DLGAP2: variants seen among roughly 807,000 people sequenced by gnomAD.
DLGAP2 encodes the protein DLG associated protein 2.
A neutral mutation model predicts 100.3 loss-of-function variants in DLGAP2; 26 were observed. The ratio of observed to expected loss-of-function variants is 0.26; its 90% confidence interval spans 0.19 to 0.36. DLGAP2 has a LOEUF of 0.36. Ranked by LOEUF, DLGAP2 falls within the 10% of genes least tolerant of loss-of-function variation. The probability of loss-of-function intolerance (pLI) is 1.00; values close to 1 mark genes in which losing one functional copy is unlikely to be tolerated. For synonymous variants in DLGAP2, 886 were observed against 630.1 expected, an observed-to-expected ratio of 1.41 and a Z score of -6.08; for missense variants, 1,858 against 1,453.2, an observed-to-expected ratio of 1.28 and a Z score of -4.53.
chr8:901,190 T>C (rs1798244094), intron 1 of DLGAP2, among the ~76,000 whole-genome samples: 1 of 152,168 alleles, frequency 6.6e-6, no homozygotes, highest in African/African-American at 2.4e-5. Flanking sequence ...AGGAGGCTGA[T>C]GTAGGAGGAT....
At chr8:1,264,997 A>G (rs1032816954) in intron 3 of DLGAP2, among the ~76,000 whole-genome samples, 4 of 152,108 alleles carry the variant, frequency 2.6e-5, no homozygotes, top group African/African-American at 7.2e-5. Context: ...TTTGCCTTCC[A>G]CCATGATTGT....
chr8:986,724 A>G (rs1054512201), intron 2 of DLGAP2, among the ~76,000 whole-genome samples: 5 of 151,072 alleles, frequency 3.3e-5, no homozygotes, highest in Admixed American at 6.6e-5. Flanking sequence ...CAATGATGCA[A>G]TCTTGGCTCA....
intron 3 of DLGAP2, among the ~76,000 whole-genome samples, chr8:1,451,192 T>G (rs1798149563): frequency 6.6e-6 from 1 of 152,034 alleles, no homozygotes; most frequent in African/African-American, 2.4e-5. Flanking sequence ...CAGGCCATAT[T>G]TGGAGCCTGG....
At chr8:880,824 G>A (rs1011464583) in intron 1 of DLGAP2, among the ~76,000 whole-genome samples, 2 of 152,206 alleles carry the variant, frequency 1.3e-5, no homozygotes, top group African/African-American at 4.8e-5. Flanking sequence ...TGGACTCAAC[G>A]CAGATGTAAT....
intron 4 of DLGAP2, among the ~76,000 whole-genome samples, chr8:1,506,840 C>G (rs1799937530): frequency 6.6e-6 from 1 of 152,174 alleles, no homozygotes; most frequent in African/African-American, 2.4e-5. Context: ...CAAGTCCCCA[C>G]TAGATGAGCT....
intron 12 of DLGAP2, 104 bp from the exon 13 acceptor site, chr8:1,691,431 C>T: frequency 1.0e-6 from 1 of 961,732 alleles, no homozygotes; most frequent in Non-Finnish European, 1.6e-6. Context: ...CGTCAGTTTT[C>T]ATCTCCAGTG....
At chr8:1,557,354 T>C (rs1326919262) in intron 5 of DLGAP2, among the ~76,000 whole-genome samples, 1 of 152,036 alleles carries the variant, frequency 6.6e-6, no homozygotes, top group African/African-American at 2.4e-5. Context: ...TCCCTCAGGG[T>C]CCCGGAAAGA....
intron 3 of DLGAP2, among the ~76,000 whole-genome samples, chr8:1,416,529 A>G (rs1796888829): frequency 5.9e-5 from 9 of 152,184 alleles, no homozygotes; most frequent in Admixed American, 3.9e-4. Flanking sequence ...GCCCCGCTGA[A>G]TGAACCACCC....
At chr8:1,015,310 GTA>G (rs1457666147) in intron 2 of DLGAP2, among the ~76,000 whole-genome samples, 1 of 3,558 alleles carries the variant, frequency 2.8e-4, no homozygotes, top group East Asian at 1.1e-3. Context: ...TCCACTGTGT[GTA>G]TGACCAGGAC....
chr8:1,010,153 A>G (rs187734888), intron 2 of DLGAP2, among the ~76,000 whole-genome samples: 1 of 152,366 alleles, frequency 6.6e-6, no homozygotes, highest in East Asian at 1.9e-4. Context: ...ACATATATGC[A>G]CACACACCTA....
At chr8:1,291,981 G>C (rs1800070033) in intron 3 of DLGAP2, among the ~76,000 whole-genome samples, 1 of 152,192 alleles carries the variant, frequency 6.6e-6, no homozygotes, top group Non-Finnish European at 1.5e-5. Flanking sequence ...GGACATGAGA[G>C]GCTTTCAATA....
chr8:1,159,422 G>C (rs116648215), intron 2 of DLGAP2, among the ~76,000 whole-genome samples: 3,402 of 152,304 alleles, frequency 0.022, 158 homozygotes, highest in African/African-American at 0.078. Flanking sequence ...TCAGAGCCCA[G>C]GTTAGTGAGA....
intron 3 of DLGAP2, among the ~76,000 whole-genome samples, chr8:1,294,557 C>T (rs780346033): frequency 3.3e-5 from 5 of 152,152 alleles, no homozygotes; most frequent in Admixed American, 1.3e-4. Context: ...GATGGTGTGG[C>T]GTCCCACCTG....
chr8:1,464,307 T>G lies in DLGAP2; in HGVS notation c.107-37059T>G, dbSNP rs1798553386. Reference sequence around the variant, plus strand: ...ACAACGCCCTTCCAGGATGGCACCCTTCCAGGACAACGCCCTTCCAGGACG... The same window carrying G: ...ACAACGCCCTTCCAGGATGGCACCCGTCCAGGACAACGCCCTTCCAGGACG... On this transcript the variant is annotated intron_variant, in intron 3 of 14. Coordinates refer to ENST00000637795, the MANE Select transcript of DLGAP2 (RefSeq NM_001346810.2). Among the ~76,000 whole-genome samples the G allele has an allele frequency of 1.8e-5, 2 of 111,408 alleles. 1 individual carries two copies. The highest frequency in any genetic ancestry group is 3.8e-5 in the Non-Finnish European group (2 of 52,796). The allele number at this position is 111,408 out of a possible 152,430, so 73.1% of individuals were successfully genotyped here.
intron 1 of DLGAP2, among the ~76,000 whole-genome samples, chr8:854,803 G>A (rs1209278987): frequency 6.6e-6 from 1 of 152,194 alleles, no homozygotes; most frequent in East Asian, 1.9e-4. Context: ...TGGAAATACT[G>A]AGCTTCAGGA....
At chr8:1,528,834 A>C (rs1800884450) in intron 4 of DLGAP2, among the ~76,000 whole-genome samples, 1 of 152,360 alleles carries the variant, frequency 6.6e-6, no homozygotes, top group African/African-American at 2.4e-5. Context: ...CCCCTTTTAC[A>C]GAAAGCAAAC....
chr8:1,233,925 C>A (rs907917205), intron 2 of DLGAP2, among the ~76,000 whole-genome samples: 2 of 152,140 alleles, frequency 1.3e-5, no homozygotes, highest in Non-Finnish European at 2.9e-5. Context: ...GTATTAATGA[C>A]ACAAAAGGAC....
At chr8:1,639,426 G>C (rs755490479) in intron 8 of DLGAP2, among the ~76,000 whole-genome samples, 1 of 152,164 alleles carries the variant, frequency 6.6e-6, no homozygotes, top group East Asian at 1.9e-4. Flanking sequence ...GGCCTGAATT[G>C]TGCAGCCCCT....
intron 3 of DLGAP2, among the ~76,000 whole-genome samples, chr8:1,314,729 G>A (rs930286633): frequency 7.2e-5 from 11 of 152,216 alleles, no homozygotes; most frequent in Admixed American, 2.6e-4. Context: ...TCCGGAGGTC[G>A]AGGACTTTCG....
Sources: allele counts gnomAD v4.1 joint callset (sites outside exome capture counted in the v4.1 genomes callset), GRCh38; gene constraint gnomAD v4.1.1; transcripts MANE v1.5; gene names NCBI Gene and HGNC (gene_info 2026-07-23, HGNC 2026-07-21).